Variants in ADK observed in about 807,000 individuals in gnomAD.
The protein encoded by ADK is adenosine kinase, also known as N6,N6-dimethyladenosine kinase.
Under a neutral mutation model 44.7 loss-of-function variants are expected in ADK, and 24 were observed. The ratio of observed to expected loss-of-function variants is 0.54; its 90% CI spans 0.39 to 0.76. The LOEUF (loss-of-function observed/expected upper bound fraction) is 0.76, where lower values mean the gene tolerates loss of function less well. Among genes scored for constraint, ADK ranks in the 30% least tolerant of loss-of-function variants. The probability of loss-of-function intolerance (pLI) is 0.00; values close to 1 mark genes in which losing one functional copy is unlikely to be tolerated. For missense variants in ADK, 321 were observed against 425.1 expected (o/e 0.76, Z 2.15); for synonymous variants, 128 against 142.6 (o/e 0.90, Z 0.73).
chr10:74,610,483 A>G (rs376570708), intron 9 of ADK, among the ~76,000 whole-genome samples: 1 of 152,168 alleles, frequency 6.6e-6, no homozygotes, highest in South Asian at 2.1e-4. Context: ...AGTTGTAAAG[A>G]TGGGTAGTGA....
intron 4 of ADK, among the ~76,000 whole-genome samples, chr10:74,319,912 T>G (rs1704901977): frequency 6.6e-6 from 1 of 152,178 alleles, no homozygotes; most frequent in Non-Finnish European, 1.5e-5. Flanking sequence ...GATTACGTCT[T>G]TATATATTGC....
chr10:74,359,509 AC>A (rs1842256284), intron 4 of ADK, among the ~76,000 whole-genome samples: 1 of 152,060 alleles, frequency 6.6e-6, no homozygotes, highest in Non-Finnish European at 1.5e-5. Flanking sequence ...GGGATTCAAG[AC>A]CAGCCTAGGC....
intron 2 of ADK, among the ~76,000 whole-genome samples, chr10:74,208,861 C>G (rs994208865): frequency 6.6e-6 from 1 of 152,014 alleles, no homozygotes; most frequent in South Asian, 2.1e-4. Flanking sequence ...CTCAGCTTCC[C>G]GAGTAGCTGG....
At chr10:74,278,384 AAAC>A (rs1179791829) in intron 3 of ADK, among the ~76,000 whole-genome samples, 4 of 151,338 alleles carry the variant, frequency 2.6e-5, no homozygotes, top group Admixed American at 2.0e-4. Flanking sequence ...AAAAAAAAAA[AAAC>A]AACCCTAAAA....
chr10:74,431,780 C>A (rs1033062566), intron 6 of ADK, among the ~76,000 whole-genome samples: 3 of 152,030 alleles, frequency 2.0e-5, no homozygotes, highest in Non-Finnish European at 4.4e-5. Context: ...ACATTTCACT[C>A]CAGCCTGGAC....
chr10:74,177,945 A>ATT lies in ADK; in HGVS notation c.66-22807_66-22806dup, dbSNP rs1158811749. ...TAATTATATATATATATATATATAT[A>ATT]TTTTTTTTTTTTTGAGACAGAGTTT... On this transcript the variant is annotated intron_variant, in intron 1 of 10. Coordinates refer to ENST00000539909, the MANE Select transcript of ADK (RefSeq NM_006721.4). Among the ~76,000 whole-genome samples, 264 of 108,966 alleles carry ATT rather than the reference A, an allele frequency of 2.4e-3. 2 individuals are homozygous for ATT. Among genetic ancestry groups the ATT allele is most frequent in the African/African-American group, 5.5e-3 (157 of 28,510 alleles). The allele number at this position is 108,966 out of a possible 152,430, so 71.5% of individuals were successfully genotyped here. A position where few individuals can be genotyped will look rare whatever the true frequency, so the allele number is the denominator to read the frequency against.
At chr10:74,682,808 A>T (rs1047901085) in intron 10 of ADK, among the ~76,000 whole-genome samples, 4 of 152,200 alleles carry the variant, frequency 2.6e-5, no homozygotes, top group African/African-American at 9.6e-5. Flanking sequence ...TCCTGACCTC[A>T]GATGATCCAC....
At chr10:74,558,089 G>GC (rs1320821805) in intron 7 of ADK, among the ~76,000 whole-genome samples, 2 of 147,434 alleles carry the variant, frequency 1.4e-5, no homozygotes, top group African/African-American at 4.8e-5. Flanking sequence ...CTCTCTCCAG[G>GC]CCCCTCAGGA....
At chr10:74,228,706 C>T (rs898644855) in intron 3 of ADK, among the ~76,000 whole-genome samples, 5 of 152,024 alleles carry the variant, frequency 3.3e-5, no homozygotes, top group Non-Finnish European at 7.4e-5. Context: ...CATTTTGTTT[C>T]CATGAATATC....
chr10:74,331,037 ACTTTTTT>A (rs1471733594), intron 4 of ADK, among the ~76,000 whole-genome samples: 1 of 151,990 alleles, frequency 6.6e-6, no homozygotes, highest in African/African-American at 2.4e-5. Context: ...TTCTATTTGA[ACTTTTTT>A]CTTTTTTGTT....
chr10:74,492,297 A>G (rs779454533), intron 6 of ADK, among the ~76,000 whole-genome samples: 1 of 152,122 alleles, frequency 6.6e-6, no homozygotes, highest in Non-Finnish European at 1.5e-5. Flanking sequence ...CTTAGGTTGA[A>G]TCCAAGATCA....
intron 3 of ADK, among the ~76,000 whole-genome samples, chr10:74,279,702 AT>A (rs373556816): frequency 2.6e-4 from 39 of 148,286 alleles, no homozygotes; most frequent in Middle Eastern, 3.5e-3. Context: ...CTTACCTCGA[AT>A]TTTTTTTTTT....
intron 3 of ADK, among the ~76,000 whole-genome samples, chr10:74,251,041 C>T (rs2132336051): frequency 6.6e-6 from 1 of 152,214 alleles, no homozygotes; most frequent in East Asian, 1.9e-4. Context: ...CATGCCTGGT[C>T]CAGAGTTAGA....
chr10:74,336,290 A>G lies in ADK; in HGVS notation c.273+21545A>G, dbSNP rs78831815. Among the ~76,000 whole-genome samples the G allele has an allele frequency of 1.0e-2, 1,515 of 152,248 alleles. 83 individuals carry two copies. In the East Asian group the frequency reaches 0.16, roughly 16 times the overall value. ...GATCCATTACTCTTCCCTGAAGTCT[A>G]TTTAAATCTCTTTAATTGCCATTGT... On this transcript the variant is annotated intron_variant, in intron 4 of 10. Coordinates refer to ENST00000539909, the MANE Select transcript of ADK (RefSeq NM_006721.4).
intron 6 of ADK, among the ~76,000 whole-genome samples, chr10:74,432,667 A>C (rs977871922): frequency 4.6e-5 from 7 of 152,170 alleles, no homozygotes; most frequent in Non-Finnish European, 1.0e-4. Context: ...TACTTATAGG[A>C]CTATTCTATG....
chr10:74,162,106 C>T (rs188588466), intron 1 of ADK, among the ~76,000 whole-genome samples: 11 of 152,180 alleles, frequency 7.2e-5, no homozygotes, highest in African/African-American at 1.4e-4. Flanking sequence ...CTGCAACCCC[C>T]GCCTTCTGGT....
intron 7 of ADK, among the ~76,000 whole-genome samples, chr10:74,533,749 C>T (rs1430281103): frequency 2.0e-5 from 3 of 152,088 alleles, no homozygotes; most frequent in African/African-American, 7.2e-5. Flanking sequence ...ATACATCCTC[C>T]AAATGACCTA....
chr10:74,579,157 C>T (rs1024528807), intron 7 of ADK, among the ~76,000 whole-genome samples: 11 of 151,516 alleles, frequency 7.3e-5, no homozygotes, highest in South Asian at 6.3e-4. Flanking sequence ...TCGCTTGAAC[C>T]GGGGAGGCAG....
intron 10 of ADK, among the ~76,000 whole-genome samples, chr10:74,685,836 C>G (rs1855766083): frequency 6.6e-6 from 1 of 152,104 alleles, no homozygotes; most frequent in Non-Finnish European, 1.5e-5. Context: ...TTTACTCTGA[C>G]TCCTTCAGTC....
Sources: gnomAD v4.1 joint callset for allele counts (sites outside exome capture counted in the v4.1 genomes callset) on GRCh38, gnomAD v4.1.1 for gene constraint, MANE v1.5 for transcripts, NCBI Gene and HGNC (gene_info 2026-07-23, HGNC 2026-07-21) for gene names.